APOO: variants seen among roughly 807,000 people sequenced by gnomAD.
APOO encodes the protein MICOS complex subunit MIC26.
Under a neutral mutation model 23.1 loss-of-function variants are expected in APOO, and 11 were observed. That is an observed-to-expected ratio of 0.48 (90% CI 0.30 to 0.79). APOO has a LOEUF of 0.79. APOO is among the 30% of genes least tolerant of loss of function. The pLI is 0.07. For missense variants in APOO, 160 were observed against 142.7 expected, an observed-to-expected ratio of 1.12 and a Z score of -0.62; for synonymous variants, 59 against 54.8, an observed-to-expected ratio of 1.08 and a Z score of -0.34.
At chrX:23,882,324 G>A (rs1295206546) in intron 1 of APOO, among the ~76,000 whole-genome samples, 1 of 111,930 alleles carries the variant, frequency 8.9e-6, no homozygotes, top group Non-Finnish European at 1.9e-5. Flanking sequence ...AGATATTTTT[G>A]TTATATTTTA....
chrX:23,907,549 G>A (rs1244661397), intron 1 of APOO, 145 bp downstream of exon 1: 7 of 609,732 alleles, frequency 1.1e-5, no homozygotes, highest in South Asian at 4.4e-5. Flanking sequence ...AATGAACCGC[G>A]GGGCCGGGAC....
chrX:23,860,451 T>G (rs1415695760), intron 5 of APOO, among the ~76,000 whole-genome samples: 1 of 109,123 alleles, frequency 9.2e-6, no homozygotes, highest in Non-Finnish European at 1.9e-5. Context: ...GGTCGAGGCA[T>G]AAGGATTGCT....
At chrX:23,879,806 G>A (rs1379060158) in intron 2 of APOO, among the ~76,000 whole-genome samples, 1 of 111,887 alleles carries the variant, frequency 8.9e-6, no homozygotes, top group Non-Finnish European at 1.9e-5. Flanking sequence ...TCCACCCAGA[G>A]AACTTCTTAC....
At chrX:23,886,256 C>T (rs1926362502) in intron 1 of APOO, among the ~76,000 whole-genome samples, 1 of 111,077 alleles carries the variant, frequency 9.0e-6, no homozygotes, top group South Asian at 3.8e-4. Context: ...GTTTTAAAAC[C>T]CATGGCCTCA....
chrX:23,895,515 G>A (rs373029349), intron 1 of APOO, among the ~76,000 whole-genome samples: 10 of 111,295 alleles, frequency 9.0e-5, no homozygotes, highest in East Asian at 2.8e-4. Flanking sequence ...AGGGGAGGGA[G>A]ACCATTAGGA....
chrX:23,890,429 G>A (rs192052312), intron 1 of APOO, among the ~76,000 whole-genome samples: 15 of 112,083 alleles, frequency 1.3e-4, no homozygotes, highest in Admixed American at 6.7e-4. Context: ...GAAGGGCCAC[G>A]AGAAGAGCTT....
chrX:23,892,149 T>A (rs1251178785), intron 1 of APOO, among the ~76,000 whole-genome samples: 2 of 109,474 alleles, frequency 1.8e-5, no homozygotes, highest in African/African-American at 3.3e-5. Context: ...AGTGGCGCAA[T>A]CTCGGCTCAA....
At chrX:23,855,118 T>C (rs1361372432) in intron 7 of APOO, among the ~76,000 whole-genome samples, 2 of 105,766 alleles carry the variant, frequency 1.9e-5, no homozygotes, top group Admixed American at 2.1e-4. Flanking sequence ...GCTCACTCTA[T>C]TTAGCCCTTA....
chrX:23,835,873 T>G (rs1162526273), intron 8 of APOO, among the ~76,000 whole-genome samples: 2 of 112,260 alleles, frequency 1.8e-5, no homozygotes, highest in Non-Finnish European at 3.8e-5. Context: ...GAAATTCTTT[T>G]TTTCCCCTCC....
chrX:23,889,872 A>G (rs943101033), intron 1 of APOO, among the ~76,000 whole-genome samples: 29 of 109,829 alleles, frequency 2.6e-4, no homozygotes, highest in African/African-American at 9.6e-4. Context: ...TGTGTTAGCC[A>G]GGATGGTCTC....
intron 1 of APOO, among the ~76,000 whole-genome samples, chrX:23,891,796 C>A (rs1489468067): frequency 9.1e-6 from 1 of 109,321 alleles, no homozygotes; most frequent in Non-Finnish European, 1.9e-5. Context: ...CAGTATCTTA[C>A]CCTTCTACCA....
At chrX:23,850,652 C>T (rs957793058) in intron 7 of APOO, among the ~76,000 whole-genome samples, 6 of 111,381 alleles carry the variant, frequency 5.4e-5, no homozygotes, top group Admixed American at 9.7e-5. Flanking sequence ...CATGGTGAAA[C>T]CCTGTCTCTA....
intron 1 of APOO, among the ~76,000 whole-genome samples, chrX:23,889,816 C>T (rs1250789542): frequency 2.7e-5 from 3 of 109,687 alleles, no homozygotes; most frequent in Admixed American, 9.8e-5. Flanking sequence ...CACCAGCCAC[C>T]ACGCCTGGCT....
chrX:23,859,603 C>T (rs1924928290), intron 5 of APOO, among the ~76,000 whole-genome samples: 1 of 111,089 alleles, frequency 9.0e-6, no homozygotes, highest in African/African-American at 3.3e-5. Context: ...GCCACCATGC[C>T]CGGCTAATTT....
In APOO at chrX:23,861,692, C is replaced by T. The variant is rs552632098; in HGVS notation, c.389-2959G>A. On this transcript the variant is annotated intron_variant, in intron 5 of 8. Coordinates refer to ENST00000379226, the MANE Select transcript of APOO (RefSeq NM_024122.5). ...TGTCAGTGCCTGAGAGAAAAGCCCT[C>T]CTCACACTGGCCCTGGGTGCACCCT... is the stretch of plus-strand genomic sequence containing the variant. 1.4e-4 allele frequency among the ~76,000 whole-genome samples: 15 copies of T among 109,414 alleles called. No homozygotes were observed. In the South Asian group the frequency reaches 5.9e-3, roughly 43 times the overall value.
intron 8 of APOO, chrX:23,837,384 T>C (rs760849439): frequency 2.8e-6 from 2 of 721,010 alleles, no homozygotes; most frequent in Non-Finnish European, 2.0e-6. Context: ...ATTACAATTA[T>C]ATGCCTTCAG....
chrX:23,893,290 G>A (rs1373711860), intron 1 of APOO, among the ~76,000 whole-genome samples: 1 of 107,994 alleles, frequency 9.3e-6, no homozygotes, highest in Non-Finnish European at 1.9e-5. Flanking sequence ...ACATTAGCCA[G>A]GCGTGGTGGT....
chrX:23,843,579 C>CTTTTTTTT (rs747271141), intron 7 of APOO, among the ~76,000 whole-genome samples: 2 of 61,725 alleles, frequency 3.2e-5, no homozygotes, highest in Non-Finnish European at 5.7e-5. Flanking sequence ...ATGACAATTT[C>CTTTTTTTT]TTTTTTTTTT....
intron 5 of APOO, among the ~76,000 whole-genome samples, chrX:23,859,852 A>C (rs1055188357): frequency 9.0e-6 from 1 of 111,619 alleles, no homozygotes; most frequent in Non-Finnish European, 1.9e-5. Flanking sequence ...TTTTTCCCTA[A>C]GAGAGCAGAA....
Sources: gnomAD v4.1 joint callset for allele counts (sites outside exome capture counted in the v4.1 genomes callset) on GRCh38, gnomAD v4.1.1 for gene constraint, MANE v1.5 for transcripts, NCBI Gene and HGNC (gene_info 2026-07-23, HGNC 2026-07-21) for gene names.